Variants in SYT7 observed in about 807,000 individuals in gnomAD.
SYT7 encodes synaptotagmin 7.
SYT7 carries 29 observed loss-of-function variants against 75.1 expected under a neutral mutation model. The observed-to-expected ratio is 0.39, with a 90% confidence interval of 0.29 to 0.53. The LOEUF (loss-of-function observed/expected upper bound fraction) is 0.53, where lower values mean the gene tolerates loss of function less well. Ranked by LOEUF, SYT7 falls within the 20% of genes least tolerant of loss-of-function variation. The pLI, the probability that SYT7 is intolerant of heterozygous loss-of-function variation, is 0.77. For synonymous variants in SYT7, 376 were observed against 401.7 expected (o/e 0.94, Z 0.76); for missense variants, 693 against 953.2 (o/e 0.73, Z 3.59).
At chr11:61,555,285 AC>A (rs2063463734) in intron 2 of SYT7, among the ~76,000 whole-genome samples, 2 of 151,886 alleles carry the variant, frequency 1.3e-5, no homozygotes, top group Non-Finnish European at 2.9e-5. Context: ...CACCTCGGAC[AC>A]CCCCGGGCCC....
chr11:61,538,353 GAGAGAGAGAGA>G (rs2062936830), intron 6 of SYT7, 87 bp from the exon 7 acceptor site: 3 of 665,852 alleles, frequency 4.5e-6, no homozygotes, highest in African/African-American at 1.9e-5. Flanking sequence ...GAGGGAGAGA[GAGAGAGAGAGA>G]GAGAGAGAGA....
At chr11:61,543,998 C>A (rs1338615878) in intron 5 of SYT7, among the ~76,000 whole-genome samples, 2 of 152,240 alleles carry the variant, frequency 1.3e-5, no homozygotes, top group Non-Finnish European at 2.9e-5. Flanking sequence ...CCACATCTAG[C>A]CTGCTGCTTG....
At chr11:61,555,724 T>A (rs1936888823) in intron 2 of SYT7, among the ~76,000 whole-genome samples, 1 of 151,910 alleles carries the variant, frequency 6.6e-6, no homozygotes, top group Non-Finnish European at 1.5e-5. Context: ...GGGGCTCTAT[T>A]CTCAGTCTGC....
intron 6 of SYT7, among the ~76,000 whole-genome samples, chr11:61,538,481 C>T (rs964749980): frequency 6.6e-6 from 1 of 151,998 alleles, no homozygotes; most frequent in African/African-American, 2.4e-5. Context: ...GCAGTGTCAA[C>T]AGTTGCAGGA....
chr11:61,577,643 C>T (rs548056587), intron 1 of SYT7, among the ~76,000 whole-genome samples: 22 of 152,322 alleles, frequency 1.4e-4, no homozygotes, highest in African/African-American at 5.1e-4. Flanking sequence ...CCCGCTGTGC[C>T]AAGGCCCCCT....
At chr11:61,538,389 A>AGAGAC in intron 6 of SYT7, 123 bp from the exon 7 acceptor site, 10 of 252,440 alleles carry the variant, frequency 4.0e-5, no homozygotes, top group East Asian at 1.8e-4. Flanking sequence ...GAGAGAGAGA[A>AGAGAC]AGAGAGAGAG....
At chr11:61,578,671 G>A (rs547270823) in intron 1 of SYT7, among the ~76,000 whole-genome samples, 5 of 152,268 alleles carry the variant, frequency 3.3e-5, no homozygotes, top group Non-Finnish European at 7.4e-5. Context: ...ATGCCAGAGG[G>A]CAGAGGCCAG....
chr11:61,555,265 A>G (rs576576918), intron 2 of SYT7, among the ~76,000 whole-genome samples: 1 of 152,294 alleles, frequency 6.6e-6, no homozygotes, highest in African/African-American at 2.4e-5. Context: ...TGACTCCGCC[A>G]AAGGCGTAGC....
chr11:61,548,095 C>T (rs2063244119), intron 3 of SYT7, among the ~76,000 whole-genome samples: 1 of 152,366 alleles, frequency 6.6e-6, no homozygotes, highest in Non-Finnish European at 1.5e-5. Context: ...CTACTCCTTG[C>T]AAATGTGGCA....
intron 2 of SYT7, among the ~76,000 whole-genome samples, chr11:61,554,656 C>T (rs1358211661): frequency 6.6e-6 from 1 of 152,156 alleles, no homozygotes; most frequent in Non-Finnish European, 1.5e-5. Context: ...TACGCTCAGC[C>T]ACTCCCCCAG....
intron 7 of SYT7, among the ~76,000 whole-genome samples, chr11:61,534,383 ACATG>A (rs1286543908): frequency 6.6e-6 from 1 of 152,142 alleles, no homozygotes; most frequent in African/African-American, 2.4e-5. Context: ...ACACACACGC[ACATG>A]CATGCACACA....
chr11:61,568,990 T>C (rs2063848768), intron 1 of SYT7, among the ~76,000 whole-genome samples: 1 of 152,152 alleles, frequency 6.6e-6, no homozygotes, highest in African/African-American at 2.4e-5. Context: ...CCCAGTCCAG[T>C]GTACTCTTCC....
At position 61,523,563 on chromosome 11, in the gene SYT7, C is replaced by T. The variant is rs558737675; in HGVS notation, c.1756+264G>A. On this transcript the variant is annotated intron_variant, in intron 11 of 12. Transcript: ENST00000539008. This position sits in a 1 kb window ranked among gnomAD's most constrained non-coding sequence, Gnocchi z 5.0. Reference sequence around the variant, plus strand: ...TCAGAGCTGGGGATAGAACCCAGGTCTTCCCACAATGTTCCCTCTTTCTGA... The same window carrying T: ...TCAGAGCTGGGGATAGAACCCAGGTTTTCCCACAATGTTCCCTCTTTCTGA... Among the ~76,000 whole-genome samples, 13 of 152,306 alleles carry T rather than the reference C, an allele frequency of 8.5e-5. No homozygotes were observed. Among genetic ancestry groups the T allele is most frequent in the Admixed American group, 7.8e-4 (12 of 15,304 alleles).
intron 7 of SYT7, among the ~76,000 whole-genome samples, chr11:61,536,430 G>T (rs1042729824): frequency 4.6e-5 from 7 of 152,114 alleles, no homozygotes; most frequent in African/African-American, 1.7e-4. Flanking sequence ...GCTTCTTAGT[G>T]GGCGTTCAGA....
chr11:61,582,693 T>C (rs1270592332), upstream of SYT7, among the ~76,000 whole-genome samples: 2 of 152,190 alleles, frequency 1.3e-5, no homozygotes, highest in Admixed American at 1.3e-4. Flanking sequence ...AAGGCCACAA[T>C]TCCTCAGTGG....
intron 2 of SYT7, among the ~76,000 whole-genome samples, chr11:61,555,248 C>T (rs1266617636): frequency 2.0e-5 from 3 of 152,244 alleles, no homozygotes; most frequent in East Asian, 3.9e-4. Flanking sequence ...AGTGACCCTC[C>T]TTCACCTGAC....
At chr11:61,544,659 C>T (rs963128404) in intron 5 of SYT7, among the ~76,000 whole-genome samples, 1 of 152,184 alleles carries the variant, frequency 6.6e-6, no homozygotes, top group Non-Finnish European at 1.5e-5. Context: ...CAATTTACAA[C>T]CTCTCAGTCA....
At position 61,515,663 on chromosome 11, in the gene SYT7, T is replaced by C. The variant is rs138241672; in HGVS notation, c.*2964A>G. ...GTTTTCCTCTGTCCCTTCCCTGGCA[T>C]CTGGTGCCAGAGGGCAGGTGCGGGG... On this transcript the variant is annotated 3_prime_UTR_variant, in exon 13 of 13. Transcript: ENST00000539008. 399 of 152,676 alleles carry C rather than the reference T, an allele frequency of 2.6e-3. 1 individual carries two copies. Among genetic ancestry groups the C allele is most frequent in the South Asian group, 0.013 (63 of 4,822 alleles). The allele number at this position is 152,676 out of a possible 1,614,324, so 9.5% of individuals were successfully genotyped here. A position where few individuals can be genotyped will look rare whatever the true frequency, so the allele number is the denominator to read the frequency against.
rs370964155 is a variant in SYT7 at position 61,519,270 on chromosome 11, G to A, written c.1957-539C>T. 5.9e-5 allele frequency among the ~76,000 whole-genome samples: 9 copies of A among 152,364 alleles called. No homozygotes were observed. In the East Asian group the frequency reaches 1.3e-3, roughly 23 times the overall value. On this transcript the variant is annotated intron_variant, in intron 12 of 12. Coordinates refer to ENST00000539008, the MANE Select transcript of SYT7 (RefSeq NM_001365809.2). The stretch of plus-strand genomic sequence containing the variant: ...TCACAGGGTTTATAAGTGGTGCAGA[G>A]GGATTGAAATCCAGGTCTTTGGAGC...
Sources: gnomAD v4.1 joint callset for allele counts (sites outside exome capture counted in the v4.1 genomes callset) on GRCh38, gnomAD v4.1.1 for gene constraint, Gnocchi (gnomAD v3.1) non-coding constraint, MANE v1.5 for transcripts, NCBI Gene and HGNC (gene_info 2026-07-23, HGNC 2026-07-21) for gene names.